The following SYNE1 variants were observed in gnomAD, a reference collection of about 807,000 sequenced individuals.
SYNE1 encodes the protein spectrin repeat containing nuclear envelope protein 1, also known as nesprin-1.
SYNE1 carries 616 observed loss-of-function variants against 1,111.0 expected under a neutral mutation model. The ratio of observed to expected loss-of-function variants is 0.55; its 90% CI spans 0.52 to 0.59. SYNE1 has a LOEUF of 0.59. SYNE1 is among the 20% of genes least tolerant of loss of function. The probability of loss-of-function intolerance (pLI) is 0.00; values close to 1 mark genes in which losing one functional copy is unlikely to be tolerated. For synonymous variants in SYNE1, 3,855 were observed against 3,825.8 expected, an observed-to-expected ratio of 1.01 and a Z score of -0.28; for missense variants, 10,006 against 10,417.0, an observed-to-expected ratio of 0.96 and a Z score of 1.72.
At chr6:152,605,541 T>C (rs921591439) in intron 3 of SYNE1, among the ~76,000 whole-genome samples, 1 of 152,160 alleles carries the variant, frequency 6.6e-6, no homozygotes, top group Non-Finnish European at 1.5e-5. Flanking sequence ...CACATTAATA[T>C]GTGGCTGATT....
chr6:152,587,564 C>A (rs1207107474), intron 3 of SYNE1, among the ~76,000 whole-genome samples: 2 of 152,174 alleles, frequency 1.3e-5, no homozygotes. Context: ...AAAAGAGCTG[C>A]TTTTGTGGGG....
At chr6:152,180,743 A>G (rs1298936948) in intron 128 of SYNE1, among the ~76,000 whole-genome samples, 1 of 152,076 alleles carries the variant, frequency 6.6e-6, no homozygotes, top group Non-Finnish European at 1.5e-5. Flanking sequence ...GAAAAGGAAG[A>G]AAAGAAGGGA....
intron 31 of SYNE1, 29 bp downstream of exon 31, chr6:152,442,046 T>C: frequency 6.2e-7 from 1 of 1,613,570 alleles, no homozygotes; most frequent in Non-Finnish European, 8.5e-7. Context: ...CAGCCTCTGT[T>C]TAAATGGCCC....
chr6:152,215,975 C>T (rs1456395307), intron 121 of SYNE1, among the ~76,000 whole-genome samples: 2 of 152,212 alleles, frequency 1.3e-5, no homozygotes, highest in Non-Finnish European at 2.9e-5. Context: ...ATCAAAAGAG[C>T]AATCTATTCT....
At chr6:152,369,743 G>A (rs2097145381) in intron 59 of SYNE1, 129 bp from the exon 60 acceptor site, 5 of 1,096,112 alleles carry the variant, frequency 4.6e-6, no homozygotes, top group Middle Eastern at 2.1e-4. Flanking sequence ...AGCACTTTGG[G>A]TGGCCGAGGT....
At chr6:152,632,729 A>G (rs1281735480) in intron 2 of SYNE1, among the ~76,000 whole-genome samples, 1 of 152,212 alleles carries the variant, frequency 6.6e-6, no homozygotes, top group Non-Finnish European at 1.5e-5. Flanking sequence ...TTCTTTCATC[A>G]TCTGTAAAAT....
At chr6:152,610,200 G>T (rs983745010) in intron 3 of SYNE1, among the ~76,000 whole-genome samples, 1 of 152,132 alleles carries the variant, frequency 6.6e-6, no homozygotes, top group Non-Finnish European at 1.5e-5. Flanking sequence ...ACTTCTCCAA[G>T]CTAAAGGAGC....
chr6:152,313,626 C>T (rs1366188264), intron 87 of SYNE1, among the ~76,000 whole-genome samples: 7 of 152,040 alleles, frequency 4.6e-5, no homozygotes, highest in Non-Finnish European at 7.4e-5. Context: ...CCACGTCCAG[C>T]TAACTTTTGT....
chr6:152,604,490 G>A (rs967307440), intron 3 of SYNE1, among the ~76,000 whole-genome samples: 3 of 151,928 alleles, frequency 2.0e-5, no homozygotes, highest in Non-Finnish European at 2.9e-5. Context: ...TTTTTGTAGC[G>A]ATAAGGTTTT....
intron 130 of SYNE1, among the ~76,000 whole-genome samples, chr6:152,174,196 C>CA (rs1254334708): frequency 1.3e-5 from 2 of 152,022 alleles, no homozygotes; most frequent in Non-Finnish European, 2.9e-5. Context: ...CAAATTTGAC[C>CA]AAAAAACTCC....
intron 3 of SYNE1, among the ~76,000 whole-genome samples, chr6:152,614,526 C>G (rs148572325): frequency 1.3e-5 from 2 of 152,258 alleles, no homozygotes; most frequent in East Asian, 3.9e-4. Context: ...TGCTTTTACA[C>G]TGTTGGTGGG....
intron 56 of SYNE1, among the ~76,000 whole-genome samples, chr6:152,380,392 G>A (rs768532567): frequency 2.0e-5 from 3 of 151,768 alleles, no homozygotes; most frequent in Non-Finnish European, 2.9e-5. Context: ...CTCATTCTTC[G>A]GTCTCCCTTG....
intron 5 of SYNE1, among the ~76,000 whole-genome samples, chr6:152,524,157 C>T (rs981490385): frequency 1.6e-4 from 24 of 151,976 alleles, no homozygotes; most frequent in African/African-American, 5.8e-4. Context: ...TCAACTTTTC[C>T]CCATTCAGTA....
At chr6:152,517,407 T>G (rs1362188842) in intron 6 of SYNE1, among the ~76,000 whole-genome samples, 1 of 152,220 alleles carries the variant, frequency 6.6e-6, no homozygotes, top group African/African-American at 2.4e-5. Context: ...TGCAACCCTT[T>G]TGGAGGGAAA....
Position 152,511,092 on chromosome 6 carries a change from G to A in SYNE1, c.321C>T (p.Val107=). Reference sequence around the variant, plus strand: ...CAGCTATATCGGTGGAGTTAATGTTGACTAATTTAATCTGTTTAAAAAAGA... The same window carrying A: ...CAGCTATATCGGTGGAGTTAATGTTAACTAATTTAATCTGTTTAAAAAAGA... ...KFLEGRKIKL[V]NINSTDIADG... Residue 107 remains valine, a synonymous_variant, in exon 7 of 146, where the codon GTC becomes GTT. Coordinates refer to ENST00000367255, the MANE Select transcript of SYNE1 (RefSeq NM_182961.4). 1.9e-6 allele frequency: 3 copies of A among 1,613,670 alleles called. No homozygotes were observed. Among genetic ancestry groups the A allele is most frequent in the Non-Finnish European group, 2.5e-6 (3 of 1,179,712 alleles).
At chr6:152,216,878 C>A (rs2078831913) in intron 121 of SYNE1, among the ~76,000 whole-genome samples, 1 of 148,940 alleles carries the variant, frequency 6.7e-6, no homozygotes, top group Non-Finnish European at 1.5e-5. Context: ...ACATAGTGAA[C>A]CACCCCCCTC....
chr6:152,221,386 C>T (rs1444525894), intron 118 of SYNE1, 40 bp downstream of exon 118: 1 of 1,605,554 alleles, frequency 6.2e-7, no homozygotes, highest in South Asian at 1.1e-5. Context: ...TATAATAAGG[C>T]TGTGATATAA....
At chr6:152,444,337 T>C in intron 30 of SYNE1, 74 bp downstream of exon 30, 2 of 1,541,618 alleles carry the variant, frequency 1.3e-6, no homozygotes, top group Admixed American at 1.7e-5. Context: ...AGTGGTTGTA[T>C]TCTTTATCTC....
chr6:152,613,277 G>A (rs1170925786), intron 3 of SYNE1, among the ~76,000 whole-genome samples: 2 of 152,204 alleles, frequency 1.3e-5, no homozygotes, highest in African/African-American at 4.8e-5. Context: ...ATCTCCTTAA[G>A]CTGATAAGCA....
Sources: gnomAD v4.1 joint callset for allele counts (sites outside exome capture counted in the v4.1 genomes callset) on GRCh38, gnomAD v4.1.1 for gene constraint, MANE v1.5 for transcripts, NCBI Gene and HGNC (gene_info 2026-07-23, HGNC 2026-07-21) for gene names.